The following GAN variants were observed in gnomAD, a reference collection of about 807,000 sequenced individuals.
The protein encoded by GAN is gigaxonin.
Under a neutral mutation model 71.3 loss-of-function variants are expected in GAN, and 48 were observed. That is an observed-to-expected ratio of 0.67 (90% CI 0.53 to 0.86). GAN has a LOEUF of 0.86. Ranked by LOEUF, GAN falls within the 40% of genes least tolerant of loss-of-function variation. GAN has a pLI of 0.00. For missense variants in GAN, 928 were observed against 770.1 expected (o/e 1.21, Z -2.43); for synonymous variants, 386 against 276.8 (o/e 1.39, Z -3.92).
chr16:81,320,012 C>A (rs555395493), intron 1 of GAN, among the ~76,000 whole-genome samples: 75 of 152,306 alleles, frequency 4.9e-4, no homozygotes, highest in African/African-American at 1.8e-3. Context: ...TTCCATTCCC[C>A]TGTCATACAG....
intron 9 of GAN, among the ~76,000 whole-genome samples, chr16:81,373,686 A>G (rs977025401): frequency 6.6e-6 from 1 of 152,176 alleles, no homozygotes; most frequent in Admixed American, 6.5e-5. Context: ...GATCCAATCC[A>G]GGATTCTACC....
At chr16:81,343,785 A>C (rs774735214) in intron 1 of GAN, among the ~76,000 whole-genome samples, 8 of 152,222 alleles carry the variant, frequency 5.3e-5, no homozygotes, top group Non-Finnish European at 8.8e-5. Context: ...AGGCAAGAGA[A>C]AGCAATAAAG....
intron 5 of GAN, among the ~76,000 whole-genome samples, chr16:81,361,690 A>G (rs546618773): frequency 1.2e-4 from 19 of 152,272 alleles, no homozygotes; most frequent in African/African-American, 4.6e-4. Flanking sequence ...TCTTCTAAGA[A>G]GATTATTATT....
intron 1 of GAN, among the ~76,000 whole-genome samples, chr16:81,325,641 C>G (rs896581989): frequency 3.3e-5 from 5 of 152,272 alleles, no homozygotes; most frequent in African/African-American, 1.2e-4. Flanking sequence ...GAGCAGCGCA[C>G]TGGGACAGTG....
At chr16:81,341,391 G>C in intron 1 of GAN, among the ~76,000 whole-genome samples, 1 of 152,202 alleles carries the variant, frequency 6.6e-6, no homozygotes, top group East Asian at 1.9e-4. Flanking sequence ...CAGAGAGAAA[G>C]GTCGGGTTAC....
At chr16:81,322,232 T>A (rs915039944) in intron 1 of GAN, among the ~76,000 whole-genome samples, 1 of 152,262 alleles carries the variant, frequency 6.6e-6, no homozygotes, top group Non-Finnish European at 1.5e-5. Context: ...GGATTTGGAC[T>A]TTTCCTCTGT....
chr16:81,345,017 C>T (rs951722727), intron 1 of GAN, among the ~76,000 whole-genome samples: 3 of 152,112 alleles, frequency 2.0e-5, no homozygotes, highest in South Asian at 2.1e-4. Flanking sequence ...TCATAACTGG[C>T]CATTAGAGAA....
intron 9 of GAN, among the ~76,000 whole-genome samples, chr16:81,373,221 G>A (rs1911089492): frequency 6.6e-6 from 1 of 152,246 alleles, no homozygotes; most frequent in South Asian, 2.1e-4. Flanking sequence ...GAGTAGGGAT[G>A]ATGGAGTGAT....
intron 6 of GAN, among the ~76,000 whole-genome samples, chr16:81,362,879 C>T (rs1387196144): frequency 6.6e-6 from 1 of 152,162 alleles, no homozygotes; most frequent in African/African-American, 2.4e-5. Context: ...GCGTGGCCTG[C>T]CCCCTCCTCG....
At chr16:81,323,430 A>C (rs1383912950) in intron 1 of GAN, among the ~76,000 whole-genome samples, 2 of 152,224 alleles carry the variant, frequency 1.3e-5, no homozygotes, top group African/African-American at 4.8e-5. Context: ...GTGATCAGAA[A>C]AGGGGTTATG....
chr16:81,375,787 G>T (rs972294515), intron 9 of GAN, among the ~76,000 whole-genome samples: 1 of 151,916 alleles, frequency 6.6e-6, no homozygotes, highest in Non-Finnish European at 1.5e-5. Flanking sequence ...GTAGCATGGT[G>T]AGACCTCATC....
chr16:81,376,465 A>ATGTGTGTGTGTGTGTGTGTGTGTG (rs56782049), intron 9 of GAN, among the ~76,000 whole-genome samples: 2 of 127,162 alleles, frequency 1.6e-5, no homozygotes, highest in Non-Finnish European at 3.3e-5. Flanking sequence ...ATACATACAT[A>ATGTGTGTGTGTGTGTGTGTGTGTG]TGTGTGTGTG....
chr16:81,367,428 C>G (rs1028238206), intron 9 of GAN, among the ~76,000 whole-genome samples: 22 of 151,980 alleles, frequency 1.4e-4, no homozygotes, highest in African/African-American at 5.3e-4. Flanking sequence ...GCTCAGAAGG[C>G]TGAGGCATGA....
At chr16:81,345,882 C>T (rs1466766141) in intron 1 of GAN, among the ~76,000 whole-genome samples, 2 of 152,202 alleles carry the variant, frequency 1.3e-5, no homozygotes, top group Non-Finnish European at 2.9e-5. Flanking sequence ...AACCGTTCCA[C>T]CTCAGATCAT....
At chr16:81,341,221 C>T (rs1416226918) in intron 1 of GAN, among the ~76,000 whole-genome samples, 2 of 152,138 alleles carry the variant, frequency 1.3e-5, no homozygotes, top group Admixed American at 6.5e-5. Context: ...AAACACTCTG[C>T]AGGATATTAT....
intron 1 of GAN, among the ~76,000 whole-genome samples, chr16:81,316,476 G>A (rs1490040637): frequency 6.7e-6 from 1 of 149,020 alleles, no homozygotes; most frequent in Non-Finnish European, 1.5e-5. Flanking sequence ...TTGGCGGTGG[G>A]GAGTGTGGAG....
intron 1 of GAN, among the ~76,000 whole-genome samples, chr16:81,345,895 G>T (rs1217098121): frequency 6.6e-6 from 1 of 152,194 alleles, no homozygotes; most frequent in African/African-American, 2.4e-5. Flanking sequence ...CAGATCATCA[G>T]ACATTAGATT....
chr16:81,372,175 C>T (rs971409665), intron 9 of GAN, among the ~76,000 whole-genome samples: 2 of 152,208 alleles, frequency 1.3e-5, no homozygotes, highest in African/African-American at 4.8e-5. Flanking sequence ...AGTCTTAATT[C>T]TGAGTTACCA....
chr16:81,315,213 C>G lies in GAN; in HGVS notation c.100C>G (p.Leu34Val). The G allele has an allele frequency of 6.3e-7, 1 of 1,580,916 alleles. No individual in the cohort carries two copies. Among genetic ancestry groups the G allele is most frequent in the Non-Finnish European group, 8.6e-7 (1 of 1,165,820 alleles). ...GGAGTCTCGCTTCTGCGACGCGCAC[C>G]TGGTCCTCGACGGGGAGGAGATCCC... ...REESRFCDAH[L>V]VLDGEEIPVQ... Residue 34 changes from leucine to valine, a missense_variant, in exon 1 of 11, where the codon CTG (leucine) becomes GTG (valine). Coordinates refer to ENST00000648994, the MANE Select transcript of GAN (RefSeq NM_022041.4).
Sources: gnomAD v4.1 joint callset for allele counts (sites outside exome capture counted in the v4.1 genomes callset) on GRCh38, gnomAD v4.1.1 for gene constraint, MANE v1.5 for transcripts, NCBI Gene and HGNC (gene_info 2026-07-23, HGNC 2026-07-21) for gene names.